CWC27: variants seen among roughly 807,000 people sequenced by gnomAD.
CWC27 encodes CWC27 spliceosome associated cyclophilin.
A neutral mutation model predicts 63.6 loss-of-function variants in CWC27; 47 were observed. The ratio of observed to expected loss-of-function variants is 0.74; its 90% CI spans 0.58 to 0.94. The LOEUF is 0.94. Ranked by LOEUF, CWC27 falls within the 40% of genes least tolerant of loss-of-function variation. The probability of loss-of-function intolerance (pLI) is 0.00; values close to 1 mark genes in which losing one functional copy is unlikely to be tolerated. For synonymous variants in CWC27, 175 were observed against 179.8 expected, an observed-to-expected ratio of 0.97 and a Z score of 0.22; for missense variants, 495 against 554.3, an observed-to-expected ratio of 0.89 and a Z score of 1.07.
intron 10 of CWC27, among the ~76,000 whole-genome samples, chr5:64,837,987 A>G (rs1745699829): frequency 6.6e-6 from 1 of 152,122 alleles, no homozygotes; most frequent in Non-Finnish European, 1.5e-5. Context: ...AGATGTCTAC[A>G]TTTATCCTGT....
At chr5:64,796,098 AAGG>A (rs1744257003) in intron 7 of CWC27, among the ~76,000 whole-genome samples, 1 of 151,422 alleles carries the variant, frequency 6.6e-6, no homozygotes, top group South Asian at 2.1e-4. Context: ...CAGTGATGTC[AAGG>A]AGATTTCCTG....
chr5:64,891,998 T>G (rs1747251104), intron 11 of CWC27, among the ~76,000 whole-genome samples: 1 of 152,180 alleles, frequency 6.6e-6, no homozygotes. Context: ...TTTTGCCCTG[T>G]TGGCCAGGCT....
chr5:64,825,765 C>A (rs1745339707), intron 10 of CWC27, among the ~76,000 whole-genome samples: 1 of 152,152 alleles, frequency 6.6e-6, no homozygotes, highest in African/African-American at 2.4e-5. Flanking sequence ...GGGCGATGGA[C>A]TCCAGTTATT....
chr5:64,936,898 T>C (rs1311394466), intron 11 of CWC27, among the ~76,000 whole-genome samples: 1 of 152,202 alleles, frequency 6.6e-6, no homozygotes, highest in Non-Finnish European at 1.5e-5. Context: ...GAGGTATTTA[T>C]ATTATTCTCT....
chr5:64,776,064 GGAGCGAGAGAGAGAGAGA>G (rs1271209720), intron 2 of CWC27, among the ~76,000 whole-genome samples: 10 of 85,312 alleles, frequency 1.2e-4, no homozygotes, highest in Non-Finnish European at 1.9e-4. Context: ...GGGGAGGAGT[GGAGCGAGAGAGAGAGAGA>G]GAGAGAGAGA....
intron 11 of CWC27, among the ~76,000 whole-genome samples, chr5:64,906,573 C>T (rs1047189595): frequency 6.6e-6 from 1 of 152,080 alleles, no homozygotes; most frequent in African/African-American, 2.4e-5. Flanking sequence ...GATATTAGCC[C>T]TTTGTCAAAT....
intron 2 of CWC27, among the ~76,000 whole-genome samples, chr5:64,776,574 C>T (rs1470760276): frequency 1.3e-5 from 2 of 151,992 alleles, no homozygotes; most frequent in African/African-American, 4.8e-5. Flanking sequence ...ATTCACCAAT[C>T]CTCTTAATTG....
intron 11 of CWC27, among the ~76,000 whole-genome samples, chr5:64,950,814 G>A (rs965992484): frequency 7.9e-5 from 12 of 151,744 alleles, no homozygotes; most frequent in Admixed American, 5.9e-4. Flanking sequence ...ACCCAGCCCT[G>A]GCAACCATTA....
At chr5:64,886,814 A>G (rs559339243) in intron 11 of CWC27, among the ~76,000 whole-genome samples, 82 of 152,262 alleles carry the variant, frequency 5.4e-4, no homozygotes, top group Non-Finnish European at 6.6e-4. Context: ...CAAATAATAA[A>G]CAATTTAGAA....
intron 13 of CWC27, among the ~76,000 whole-genome samples, chr5:65,016,175 A>G (rs1398734835): frequency 6.6e-6 from 1 of 152,182 alleles, no homozygotes; most frequent in Non-Finnish European, 1.5e-5. Flanking sequence ...CGCTGTAGGA[A>G]ATTGAACGCA....
chr5:64,934,656 T>C (rs897978602), intron 11 of CWC27, among the ~76,000 whole-genome samples: 1 of 152,218 alleles, frequency 6.6e-6, no homozygotes, highest in African/African-American at 2.4e-5. Flanking sequence ...TTTCTGGTTC[T>C]AGATCCTTCA....
At chr5:65,015,266 C>A (rs1750031191) in intron 13 of CWC27, among the ~76,000 whole-genome samples, 1 of 152,136 alleles carries the variant, frequency 6.6e-6, no homozygotes, top group Non-Finnish European at 1.5e-5. Flanking sequence ...ATTTTTGAAA[C>A]ATGGAGAATC....
At chr5:64,887,002 G>A (rs531514150) in intron 11 of CWC27, among the ~76,000 whole-genome samples, 61 of 152,106 alleles carry the variant, frequency 4.0e-4, no homozygotes, top group African/African-American at 1.4e-3. Context: ...TTAAATATAT[G>A]AAAATAATTT....
chr5:64,798,157 T>G (rs1489729841), intron 7 of CWC27, among the ~76,000 whole-genome samples: 1 of 152,198 alleles, frequency 6.6e-6, no homozygotes, highest in Non-Finnish European at 1.5e-5. Flanking sequence ...TTATTTGATG[T>G]TCACTGTACA....
intron 10 of CWC27, chr5:64,844,810 A>G (rs1167159076): frequency 2.3e-6 from 1 of 437,556 alleles, no homozygotes; most frequent in Non-Finnish European, 4.6e-6. Flanking sequence ...CAGGCAGTCA[A>G]ACAGCCACTC....
intron 7 of CWC27, 28 bp from the exon 8 acceptor site, chr5:64,800,219 CT>C (rs79929128): frequency 0.34 from 494,384 of 1,473,658 alleles, 85,711 homozygotes; most frequent in East Asian, 0.5. Context: ...TATTTCCCCC[CT>C]CATGATTATA....
At chr5:64,883,161 AACTC>A (rs113662274) in intron 10 of CWC27, among the ~76,000 whole-genome samples, 1 of 152,280 alleles carries the variant, frequency 6.6e-6, no homozygotes, top group African/African-American at 2.4e-5. Context: ...ATCTCATGAG[AACTC>A]ACTCACTATC....
Position 64,883,762 on chromosome 5 carries a change from A to G in CWC27, c.939-1681A>G, listed in dbSNP as rs993620068. 7.9e-5 allele frequency among the ~76,000 whole-genome samples: 12 copies of G among 152,352 alleles called. No homozygotes were observed. The South Asian group carries it at 8.3e-4, about 11-fold the overall frequency. The stretch of plus-strand genomic sequence containing the variant: ...ATAAAGCAGACTGTATAGGTAAACT[A>G]TTCTTTCAAGAATGGAGTCCATTTG... On this transcript the variant is annotated intron_variant, in intron 10 of 13. Transcript: ENST00000381070.
intron 13 of CWC27, among the ~76,000 whole-genome samples, chr5:64,979,214 A>T (rs1405756490): frequency 6.6e-6 from 1 of 152,224 alleles, no homozygotes; most frequent in Non-Finnish European, 1.5e-5. Context: ...GGGAGAAAAA[A>T]ATAAATGGTG....
Sources: allele counts gnomAD v4.1 joint callset (sites outside exome capture counted in the v4.1 genomes callset), GRCh38; gene constraint gnomAD v4.1.1; transcripts MANE v1.5; gene names NCBI Gene and HGNC (gene_info 2026-07-23, HGNC 2026-07-21).